PCDHGA1: variants seen among roughly 807,000 people sequenced by gnomAD.
PCDHGA1 encodes the protein protocadherin gamma subfamily A, 1.
PCDHGA1 carries 32 observed loss-of-function variants against 58.0 expected under a neutral mutation model. That is an observed-to-expected ratio of 0.55 (90% CI 0.42 to 0.74). PCDHGA1 has a LOEUF of 0.74. PCDHGA1 is among the 30% of genes least tolerant of loss of function. The pLI is 0.00. For synonymous variants in PCDHGA1, 498 were observed against 501.1 expected, an observed-to-expected ratio of 0.99 and a Z score of 0.08; for missense variants, 1,205 against 1,182.3, an observed-to-expected ratio of 1.02 and a Z score of -0.28.
chr5:141,494,845 C>G lies in PCDHGA1; in HGVS notation c.2460C>G (p.Ala820=), dbSNP rs747484430. The part of the protein sequence containing the change: ...PPNTDWRFSQ[A]QRPGTSGSQN... Reference sequence around the variant, plus strand: ...ACACGGACTGGCGTTTCTCTCAGGCCCAGAGACCCGGCACCAGCGGGTAGG... The same window carrying G: ...ACACGGACTGGCGTTTCTCTCAGGCGCAGAGACCCGGCACCAGCGGGTAGG... The change falls in exon 2 of 4, where the codon GCC becomes GCG. Residue 820 remains alanine, a synonymous_variant. Transcript: ENST00000517417. 1.2e-6 allele frequency: 2 copies of G among 1,614,144 alleles called. No individual in the cohort carries two copies. The highest frequency in any genetic ancestry group is 1.7e-6 in the Non-Finnish European group (2 of 1,180,028).
chr5:141,424,519 A>T (rs1216899186), intron 1 of PCDHGA1: 1 of 152,222 alleles, frequency 6.6e-6, no homozygotes, highest in African/African-American at 2.4e-5. Context: ...TTAATGTAGT[A>T]AATCCATATA....
Position 141,371,610 on chromosome 5 carries a change from A to G in PCDHGA1, c.2421+38505A>G, listed in dbSNP as rs1767883802. 2.5e-6 allele frequency: 4 copies of G among 1,613,888 alleles called. No homozygotes were observed. In the East Asian group the frequency reaches 8.9e-5, roughly 36 times the overall value. On this transcript the variant is annotated intron_variant, in intron 1 of 3. Coordinates refer to ENST00000517417, the MANE Select transcript of PCDHGA1 (RefSeq NM_018912.3). ...TACCAAAAACACATACAGGTTGGTG[A>G]CAGATGGAGCCCTGGACCGGGAGCA...
intron 1 of PCDHGA1, among the ~76,000 whole-genome samples, chr5:141,430,247 G>T (rs1003479541): frequency 9.7e-6 from 1 of 102,928 alleles, no homozygotes; most frequent in Non-Finnish European, 1.8e-5. Flanking sequence ...AACTCCTAGG[G>T]AGACATCTCC....
intron 1 of PCDHGA1, chr5:141,376,337 A>G (rs780979921): frequency 1.9e-6 from 3 of 1,613,924 alleles, no homozygotes; most frequent in Non-Finnish European, 2.5e-6. Context: ...TTTCCTGCAG[A>G]CCTATTCCCA....
chr5:141,330,994 G>A lies in PCDHGA1; in HGVS notation c.310G>A (p.Val104Met), dbSNP rs1436026310. Residue 104 changes from valine to methionine, a missense_variant, in exon 1 of 4, where the codon GTG becomes ATG. Physicochemically the swap from Val to Met is conservative, Grantham distance 21 (BLOSUM62 1). Transcript: ENST00000517417. ...ELCAQSMPCL[V>M]SFNILVEDKM... ...CTGCGCTCAGAGCATGCCGTGTCTC[G>A]TGAGTTTTAATATCCTTGTTGAGGA... 2 of 1,614,212 alleles carry A rather than the reference G, an allele frequency of 1.2e-6. No homozygotes were observed. The highest frequency in any genetic ancestry group is 1.1e-5 in the South Asian group (1 of 91,078).
At chr5:141,394,416 A>G (rs1220964310) in intron 1 of PCDHGA1, 1 of 1,614,202 alleles carries the variant, frequency 6.2e-7, no homozygotes. Context: ...GGTAACAGCC[A>G]GCGACAGCGG....
At chr5:141,341,299 G>A in intron 1 of PCDHGA1, 1 of 1,614,216 alleles carries the variant, frequency 6.2e-7, no homozygotes, top group Non-Finnish European at 8.5e-7. Flanking sequence ...CCAACTATGC[G>A]GACACGCTCA....
rs1259831891 is a variant in PCDHGA1 at position 141,383,082 on chromosome 5, G to C, written c.2421+49977G>C. 36 of 1,613,934 alleles carry C rather than the reference G, an allele frequency of 2.2e-5. 1 individual carries two copies. The highest frequency in any genetic ancestry group is 3.1e-5 in the Non-Finnish European group (36 of 1,179,910). ...GGCTGGAGCCCCGGGAGCTGGCGGA[G>C]CGCGGAGTCCGCATCATCTCCAGAG... On this transcript the variant is annotated intron_variant, in intron 1 of 3. Transcript: ENST00000517417.
chr5:141,426,754 T>C, intron 1 of PCDHGA1: 1 of 456,314 alleles, frequency 2.2e-6, no homozygotes, highest in Non-Finnish European at 4.4e-6. Context: ...GAATCTGCTA[T>C]AGATGCAGAT....
At chr5:141,419,359 G>C (rs1257423360) in intron 1 of PCDHGA1, 1 of 1,613,796 alleles carries the variant, frequency 6.2e-7, no homozygotes. Flanking sequence ...AGTCACGAAC[G>C]CTGTCGTCCT....
intron 1 of PCDHGA1, among the ~76,000 whole-genome samples, chr5:141,457,975 C>T (rs2098934043): frequency 6.6e-6 from 1 of 152,202 alleles, no homozygotes; most frequent in South Asian, 2.1e-4. Context: ...AAGGGAAACA[C>T]ACCCTTTCAG....
rs191184566 is a variant in PCDHGA1 at position 141,373,694 on chromosome 5, A to G, written c.2421+40589A>G. Among the ~76,000 whole-genome samples the G allele has an allele frequency of 1.4e-4, 21 of 152,388 alleles. No individual in the cohort carries two copies. The Middle Eastern group carries it at 0.014, about 99-fold the overall frequency. ...GAATGGTAAACTTCAGAGAACATTTAAAATTATTCAAAATAATCTCTTACA... is the reference window on the plus strand; with the variant it reads ...GAATGGTAAACTTCAGAGAACATTTGAAATTATTCAAAATAATCTCTTACA... On this transcript the variant is annotated intron_variant, in intron 1 of 3. Transcript: ENST00000517417.
intron 1 of PCDHGA1, chr5:141,416,834 C>T (rs966016844): frequency 4.6e-5 from 7 of 151,848 alleles, no homozygotes; most frequent in Non-Finnish European, 1.0e-4. Flanking sequence ...TTCTCAAGAC[C>T]CTTATAATTC....
At position 141,405,049 on chromosome 5, in the gene PCDHGA1, C is replaced by T. The variant is rs190786640; in HGVS notation, c.2421+71944C>T. 223 of 1,613,936 alleles carry T rather than the reference C, an allele frequency of 1.4e-4. 1 individual carries two copies. The African/African-American group carries it at 1.9e-3, about 14-fold the overall frequency. On this transcript the variant is annotated intron_variant, in intron 1 of 3. Coordinates refer to ENST00000517417, the MANE Select transcript of PCDHGA1 (RefSeq NM_018912.3). ...TCTACCTCGTTGTGGCTGTGGCAGTCGTCTCCTGTGTCTTCCTCACCTTCG... is the reference window on the plus strand; with the variant it reads ...TCTACCTCGTTGTGGCTGTGGCAGTTGTCTCCTGTGTCTTCCTCACCTTCG...
intron 1 of PCDHGA1, among the ~76,000 whole-genome samples, chr5:141,482,104 AAT>A (rs1452930297): frequency 2.7e-5 from 4 of 150,286 alleles, no homozygotes; most frequent in Non-Finnish European, 5.9e-5. Context: ...AAAAAAAAAA[AAT>A]ATCTAGAGAT....
intron 2 of PCDHGA1, among the ~76,000 whole-genome samples, chr5:141,504,506 A>T (rs575756846): frequency 1.3e-5 from 2 of 152,096 alleles, no homozygotes; most frequent in African/African-American, 4.8e-5. Context: ...GTCTGAGTGG[A>T]TCTCCTCTGA....
chr5:141,355,562 T>C, intron 1 of PCDHGA1: 1 of 1,613,794 alleles, frequency 6.2e-7, no homozygotes, highest in Non-Finnish European at 8.5e-7. Context: ...CGGGTAGAGG[T>C]GGAAATAATC....
intron 2 of PCDHGA1, among the ~76,000 whole-genome samples, chr5:141,504,341 CTTTGTGCTAGGT>C (rs963088433): frequency 3.9e-5 from 6 of 152,020 alleles, no homozygotes; most frequent in African/African-American, 1.4e-4. Flanking sequence ...AAGTGCTAGG[CTTTGTGCTAGGT>C]GCTTCAGTAG....
intron 1 of PCDHGA1, among the ~76,000 whole-genome samples, chr5:141,472,042 T>C (rs2099270232): frequency 2.0e-5 from 3 of 152,146 alleles, no homozygotes; most frequent in African/African-American, 7.2e-5. Context: ...TGTGAAAAGA[T>C]TTTAAAAATG....
Sources: gnomAD v4.1 joint callset for allele counts (sites outside exome capture counted in the v4.1 genomes callset) on GRCh38, gnomAD v4.1.1 for gene constraint, MANE v1.5 for transcripts, NCBI Gene and HGNC (gene_info 2026-07-23, HGNC 2026-07-21) for gene names.